Variants in KSR2 observed in about 807,000 individuals in gnomAD.
The protein encoded by KSR2 is kinase suppressor of ras 2.
A neutral mutation model predicts 107.8 loss-of-function variants in KSR2; 25 were observed. The ratio of observed to expected loss-of-function variants is 0.23; its 90% CI spans 0.17 to 0.32. The LOEUF is 0.32. Among genes scored for constraint, KSR2 ranks in the 10% least tolerant of loss-of-function variants. The pLI is 1.00. For synonymous variants in KSR2, 480 were observed against 507.0 expected (o/e 0.95, Z 0.71); for missense variants, 887 against 1,268.9 (o/e 0.70, Z 4.57).
At chr12:117,534,513 A>G (rs1875894508) in intron 10 of KSR2, among the ~76,000 whole-genome samples, 1 of 152,100 alleles carries the variant, frequency 6.6e-6, no homozygotes, top group Non-Finnish European at 1.5e-5. Flanking sequence ...AGCCTTCATC[A>G]CAATCTATAA....
rs1288201659 is a variant in KSR2, at chr12:117,672,827, G to A, written c.987-5169C>T. 2.6e-5 allele frequency among the ~76,000 whole-genome samples: 4 copies of A among 152,184 alleles called. No individual in the cohort carries two copies. The East Asian group carries it at 7.7e-4, about 29-fold the overall frequency. ...TTTAATAGAGACGGGGTTTCACTAT[G>A]TTGGCCAGACTGGTCTTGAACTCCT... On this transcript the variant is annotated intron_variant, in intron 4 of 19. Transcript: ENST00000339824.
intron 1 of KSR2, among the ~76,000 whole-genome samples, chr12:117,952,984 CAAAA>C (rs33941668): frequency 9.9e-6 from 1 of 100,826 alleles, no homozygotes; most frequent in Non-Finnish European, 1.9e-5. Flanking sequence ...GACTCCATCT[CAAAA>C]AAAAAAAAAA....
In KSR2 at chr12:117,498,767, G is replaced by A. The variant is rs186779765; in HGVS notation, c.2220-13076C>T. 6.4e-3 allele frequency among the ~76,000 whole-genome samples: 967 copies of A among 152,256 alleles called. 6 individuals carry two copies. The highest frequency in any genetic ancestry group is 0.019 in the African/African-American group (795 of 41,546). ...TGAATAAGTCTCACAAGATCCGATG[G>A]CTTTATAAAGGGGAGTTTCCCTGCG... On this transcript the variant is annotated intron_variant, in intron 14 of 19. Coordinates refer to ENST00000339824, the MANE Select transcript of KSR2 (RefSeq NM_173598.6).
chr12:117,813,669 T>C (rs1891276422), intron 3 of KSR2, among the ~76,000 whole-genome samples: 1 of 152,198 alleles, frequency 6.6e-6, no homozygotes, highest in Non-Finnish European at 1.5e-5. Context: ...TCATACATTG[T>C]TGGTGCGAAT....
intron 14 of KSR2, among the ~76,000 whole-genome samples, chr12:117,504,319 T>C (rs1036248510): frequency 2.0e-5 from 3 of 152,214 alleles, no homozygotes; most frequent in Non-Finnish European, 4.4e-5. Flanking sequence ...TCTGTTTCAA[T>C]TGAAAGTCCT....
chr12:117,927,292 C>T (rs1895549829), intron 1 of KSR2, among the ~76,000 whole-genome samples: 1 of 152,000 alleles, frequency 6.6e-6, no homozygotes, highest in Non-Finnish European at 1.5e-5. Flanking sequence ...AGGAGAATCA[C>T]TTGAACCTGG....
At chr12:117,911,429 C>T (rs1268782071) in intron 1 of KSR2, among the ~76,000 whole-genome samples, 1 of 152,178 alleles carries the variant, frequency 6.6e-6, no homozygotes, top group East Asian at 1.9e-4. Flanking sequence ...CAGACTTGAA[C>T]CCAACCTGCA....
chr12:117,892,927 G>C (rs1894393027), intron 1 of KSR2, among the ~76,000 whole-genome samples: 1 of 151,856 alleles, frequency 6.6e-6, no homozygotes, highest in Non-Finnish European at 1.5e-5. Context: ...ACAAGACAAG[G>C]CACCCAACTG....
At chr12:117,603,609 T>C (rs1020234183) in intron 5 of KSR2, among the ~76,000 whole-genome samples, 1 of 152,150 alleles carries the variant, frequency 6.6e-6, no homozygotes, top group Non-Finnish European at 1.5e-5. Flanking sequence ...ACCCCAGCAA[T>C]GATATGGGAT....
chr12:117,860,032 G>T (rs1335934247), intron 2 of KSR2, among the ~76,000 whole-genome samples: 1 of 152,226 alleles, frequency 6.6e-6, no homozygotes, highest in Non-Finnish European at 1.5e-5. Context: ...ACTAAGAAGT[G>T]AAGTGATTTG....
At chr12:117,672,813 C>T (rs1252314093) in intron 4 of KSR2, among the ~76,000 whole-genome samples, 2 of 152,094 alleles carry the variant, frequency 1.3e-5, no homozygotes, top group African/African-American at 2.4e-5. Context: ...TTAATAGAGA[C>T]GGGGTTTCAC....
intron 3 of KSR2, among the ~76,000 whole-genome samples, chr12:117,796,122 A>T (rs10219749): frequency 1.3e-5 from 2 of 151,704 alleles, no homozygotes; most frequent in Admixed American, 6.6e-5. Context: ...GAGATGGGGG[A>T]GTCTCACTAG....
At chr12:117,684,544 C>T (rs1885490645) in intron 4 of KSR2, among the ~76,000 whole-genome samples, 1 of 152,070 alleles carries the variant, frequency 6.6e-6, no homozygotes, top group Admixed American at 6.5e-5. Context: ...CACCCACCCT[C>T]TATACATATT....
chr12:117,589,675 C>A (rs1168872984), intron 5 of KSR2, among the ~76,000 whole-genome samples: 1 of 152,220 alleles, frequency 6.6e-6, no homozygotes, highest in African/African-American at 2.4e-5. Context: ...AGGCGCCAAC[C>A]AATCCTAGAC....
intron 3 of KSR2, among the ~76,000 whole-genome samples, chr12:117,789,780 T>A (rs1890194095): frequency 6.6e-6 from 1 of 152,056 alleles, no homozygotes; most frequent in Non-Finnish European, 1.5e-5. Context: ...CACTACTGAG[T>A]GTCAGGTACC....
rs201839934 is a variant in KSR2 at position 117,938,589 on chromosome 12, CAA to C, written c.180+29485_180+29486del. The stretch of plus-strand genomic sequence containing the variant: ...AAATAAATAAATAAATAAATAAAGG[CAA>C]AAAAAAAAATTAACCGGGCATGGTG... On this transcript the variant is annotated intron_variant, in intron 1 of 19. Transcript: ENST00000339824. 4.5e-5 allele frequency among the ~76,000 whole-genome samples: 6 copies of C among 131,976 alleles called. No homozygotes were observed. In the South Asian group the frequency reaches 9.5e-4, roughly 21 times the overall value. The allele number at this position is 131,976 out of a possible 152,430, so 86.6% of individuals were successfully genotyped here.
At chr12:117,620,083 A>G (rs1428086445) in intron 5 of KSR2, among the ~76,000 whole-genome samples, 1 of 152,118 alleles carries the variant, frequency 6.6e-6, no homozygotes, top group Non-Finnish European at 1.5e-5. Flanking sequence ...ATCATAGTTG[A>G]TCTTTAATGT....
intron 1 of KSR2, among the ~76,000 whole-genome samples, chr12:117,902,495 T>TA (rs35386887): frequency 0.024 from 2,454 of 102,392 alleles, 31 homozygotes; most frequent in Middle Eastern, 0.029. Flanking sequence ...GACTCTGTCT[T>TA]AAAAAAAAAA....
At chr12:117,665,948 C>T (rs1331283756) in intron 5 of KSR2, among the ~76,000 whole-genome samples, 1 of 152,238 alleles carries the variant, frequency 6.6e-6, no homozygotes, top group Non-Finnish European at 1.5e-5. Flanking sequence ...TCTTCATCCA[C>T]GCTCATGCAG....
Sources: allele counts gnomAD v4.1 joint callset (sites outside exome capture counted in the v4.1 genomes callset), GRCh38; gene constraint gnomAD v4.1.1; transcripts MANE v1.5; gene names NCBI Gene and HGNC (gene_info 2026-07-23, HGNC 2026-07-21).